The following TMPRSS7 variants were observed in gnomAD, a reference collection of about 807,000 sequenced individuals.
TMPRSS7 encodes the protein transmembrane protease serine 7.
TMPRSS7 carries 81 observed loss-of-function variants against 95.6 expected under a neutral mutation model. The ratio of observed to expected loss-of-function variants is 0.85; its 90% confidence interval spans 0.71 to 1.02. TMPRSS7 has a LOEUF of 1.02. TMPRSS7 is among the 50% of genes least tolerant of loss of function. The pLI is 0.00. For synonymous variants in TMPRSS7, 364 were observed against 337.8 expected, an observed-to-expected ratio of 1.08 and a Z score of -0.85; for missense variants, 945 against 955.2, an observed-to-expected ratio of 0.99 and a Z score of 0.14.
intron 15 of TMPRSS7, 133 bp downstream of exon 15, chr3:112,075,625 C>T: frequency 1.3e-6 from 1 of 776,972 alleles, no homozygotes; most frequent in East Asian, 3.1e-5. Flanking sequence ...TTTTTGGATC[C>T]CACGTGTGTG....
intron 9 of TMPRSS7, among the ~76,000 whole-genome samples, chr3:112,052,830 T>G (rs530208208): frequency 9.9e-5 from 15 of 152,180 alleles, no homozygotes; most frequent in African/African-American, 3.6e-4. Flanking sequence ...AAAATGAAAA[T>G]TTTAAAACTT....
chr3:112,049,559 A>T (rs931984703), intron 7 of TMPRSS7, among the ~76,000 whole-genome samples: 1 of 152,196 alleles, frequency 6.6e-6, no homozygotes, highest in Non-Finnish European at 1.5e-5. Context: ...CTTAGCCATT[A>T]GATACACTAC....
At chr3:112,038,777 C>T (rs1483731720) in intron 2 of TMPRSS7, among the ~76,000 whole-genome samples, 6 of 152,088 alleles carry the variant, frequency 3.9e-5, no homozygotes, top group South Asian at 2.1e-4. Flanking sequence ...CCATGGTGCC[C>T]GGCCTGGTGT....
rs6438029 is a variant in TMPRSS7, at chr3:112,078,986, A to G, written c.2361+108A>G. The G allele has an allele frequency of 6.3e-3, 8,161 of 1,299,170 alleles. 181 individuals are homozygous for G. Among genetic ancestry groups the G allele is most frequent in the East Asian group, 0.058 (2,380 of 40,758 alleles). 80.5% of individuals were successfully genotyped at this position (1,299,170 alleles called of 1,614,324 possible). ...ATAACCAGGGCAGGTATTTCCCTGA[A>G]TTCACTTGAGCTGCTCAGATATTAT... On this transcript the variant is annotated intron_variant, in intron 17 of 17. Coordinates refer to ENST00000452346, the Ensembl canonical transcript of TMPRSS7.
chr3:112,081,118 T>C (rs1405429479), exon 18 of TMPRSS7: 2 of 1,567,406 alleles, frequency 1.3e-6, no homozygotes, highest in African/African-American at 2.7e-5. Flanking sequence ...TGATTTATGT[T>C]AAAAATAGAT....
intron 10 of TMPRSS7, among the ~76,000 whole-genome samples, chr3:112,060,478 C>T (rs987449709): frequency 2.6e-5 from 4 of 152,136 alleles, no homozygotes; most frequent in Non-Finnish European, 5.9e-5. Context: ...AGAGGCCCAC[C>T]CTCAGGGGCA....
chr3:112,045,285 T>A (rs1203286079), intron 4 of TMPRSS7, among the ~76,000 whole-genome samples: 1 of 152,176 alleles, frequency 6.6e-6, no homozygotes, highest in East Asian at 1.9e-4. Flanking sequence ...GTAGCTGTGA[T>A]TACAGGCACC....
intron 13 of TMPRSS7, 77 bp downstream of exon 13, chr3:112,066,579 G>A: frequency 2.4e-6 from 3 of 1,274,116 alleles, no homozygotes; most frequent in Non-Finnish European, 3.4e-6. Flanking sequence ...CCTCTGATGG[G>A]TTAGGGGTTA....
rs530185989 is a variant in TMPRSS7 at position 112,073,659 on chromosome 3, A to G, written c.1667-637A>G. ...GATTAGCCCTTTGTCAGATGTGTAG[A>G]TTGCAAAAATTTTCTCCCATTCTGT... On this transcript the variant is annotated intron_variant, in intron 13 of 17. Coordinates refer to ENST00000452346, the Ensembl canonical transcript of TMPRSS7. 1.3e-3 allele frequency among the ~76,000 whole-genome samples: 205 copies of G among 152,164 alleles called. 1 individual carries two copies. The highest frequency in any genetic ancestry group is 2.3e-3 in the Non-Finnish European group (157 of 68,002).
intron 9 of TMPRSS7, among the ~76,000 whole-genome samples, chr3:112,056,750 C>T (rs2073437469): frequency 6.6e-6 from 1 of 152,176 alleles, no homozygotes; most frequent in African/African-American, 2.4e-5. Context: ...GTTAAGTTCA[C>T]ACTAACAGGG....
chr3:112,068,172 C>T (rs2073599133), intron 13 of TMPRSS7, among the ~76,000 whole-genome samples: 1 of 152,138 alleles, frequency 6.6e-6, no homozygotes, highest in Non-Finnish European at 1.5e-5. Flanking sequence ...CTGTTCTGTT[C>T]CATTGCTCTA....
chr3:112,057,037 A>G (rs972102674), exon 10 of TMPRSS7: 5 of 1,608,024 alleles, frequency 3.1e-6, no homozygotes, highest in Admixed American at 3.4e-5. Flanking sequence ...TTCTCTATCA[A>G]CTCTTGGCAT....
chr3:112,042,065 G>A lies in TMPRSS7; in HGVS notation c.429+15G>A, dbSNP rs1192502099. Reference sequence around the variant, plus strand: ...TGCAGCAAGTGGTGAGGCGATGGAGGTAGAGGGTATTAGGGTAGAGTGGGT... The same window carrying A: ...TGCAGCAAGTGGTGAGGCGATGGAGATAGAGGGTATTAGGGTAGAGTGGGT... On this transcript the variant is annotated intron_variant, in intron 3 of 17. Transcript: ENST00000452346. 3.9e-6 allele frequency: 6 copies of A among 1,550,042 alleles called. No individual in the cohort carries two copies. Among genetic ancestry groups the A allele is most frequent in the Non-Finnish European group, 5.2e-6 (6 of 1,145,670 alleles).
intron 16 of TMPRSS7, among the ~76,000 whole-genome samples, chr3:112,077,860 A>G (rs544588998): frequency 2.0e-5 from 3 of 152,340 alleles, no homozygotes; most frequent in Non-Finnish European, 4.4e-5. Flanking sequence ...GAAGAATCCA[A>G]TGCTTTGTGA....
exon 18 of TMPRSS7, chr3:112,080,974 G>A (rs1418034387): frequency 2.0e-5 from 33 of 1,613,772 alleles, no homozygotes; most frequent in Non-Finnish European, 2.5e-5. Flanking sequence ...GATTTTGACT[G>A]GCATTGTTAG....
exon 17 of TMPRSS7, chr3:112,078,783 C>T (rs1174476669): frequency 6.2e-7 from 1 of 1,614,182 alleles, no homozygotes; most frequent in Non-Finnish European, 8.5e-7. Context: ...GGAGGTAGAG[C>T]TCATTGATCA....
At chr3:112,045,909 A>G in exon 5 of TMPRSS7, 1 of 1,551,792 alleles carries the variant, frequency 6.4e-7, no homozygotes, top group Non-Finnish European at 8.7e-7. Context: ...GCTTGCAGGG[A>G]CTGGCTGTGG....
intron 7 of TMPRSS7, 88 bp downstream of exon 7, chr3:112,048,055 TA>T: frequency 7.8e-7 from 1 of 1,287,204 alleles, no homozygotes; most frequent in East Asian, 2.3e-5. Flanking sequence ...GATTTTTTTT[TA>T]AAAACAGTTT....
chr3:112,075,516 T>G lies in TMPRSS7; in HGVS notation c.1955+24T>G, dbSNP rs760105799. 6 of 1,408,622 alleles carry G rather than the reference T, an allele frequency of 4.3e-6. No individual in the cohort carries two copies. In the East Asian group the frequency reaches 8.2e-5, roughly 19 times the overall value. The allele number at this position is 1,408,622 out of a possible 1,614,324, so 87.3% of individuals were successfully genotyped here. Reference sequence around the variant, plus strand: ...AGGTAGGGCCTCACGGTCCTTACTTTCAAGTGGCACTCTGTGGCCATAGAC... The same window carrying G: ...AGGTAGGGCCTCACGGTCCTTACTTGCAAGTGGCACTCTGTGGCCATAGAC... On this transcript the variant is annotated intron_variant, in intron 15 of 17. Coordinates refer to ENST00000452346, the Ensembl canonical transcript of TMPRSS7.
Sources: allele counts gnomAD v4.1 joint callset (sites outside exome capture counted in the v4.1 genomes callset), GRCh38; gene constraint gnomAD v4.1.1; transcripts MANE v1.5; gene names NCBI Gene and HGNC (gene_info 2026-07-23, HGNC 2026-07-21).